Variants in FOXN3 observed in about 807,000 individuals in gnomAD.
FOXN3 encodes the protein forkhead box N3.
FOXN3 carries 7 observed loss-of-function variants against 38.4 expected under a neutral mutation model. The ratio of observed to expected loss-of-function variants is 0.18; its 90% CI spans 0.10 to 0.34. FOXN3 has a LOEUF of 0.34. FOXN3 is among the 10% of genes least tolerant of loss of function. The pLI is 1.00. For missense variants in FOXN3, 456 were observed against 613.4 expected (o/e 0.74, Z 2.71); for synonymous variants, 230 against 242.2 (o/e 0.95, Z 0.47).
At chr14:89,323,011 G>A (rs943729580) in intron 3 of FOXN3, among the ~76,000 whole-genome samples, 15 of 152,144 alleles carry the variant, frequency 9.9e-5, no homozygotes, top group African/African-American at 3.1e-4. Flanking sequence ...AGTGGGAGCC[G>A]GGCGCAGTGG....
At chr14:89,240,546 C>T (rs1436617177) in intron 4 of FOXN3, among the ~76,000 whole-genome samples, 1 of 152,176 alleles carries the variant, frequency 6.6e-6, no homozygotes, top group Non-Finnish European at 1.5e-5. Flanking sequence ...AATCTGTATG[C>T]ACTGATACAG....
chr14:89,388,478 C>T (rs1206256342), intron 2 of FOXN3, among the ~76,000 whole-genome samples: 1 of 152,118 alleles, frequency 6.6e-6, no homozygotes, highest in Non-Finnish European at 1.5e-5. Context: ...AGGGTCAGCG[C>T]CTAGGAAGCC....
intron 3 of FOXN3, among the ~76,000 whole-genome samples, chr14:89,294,455 C>T (rs547751297): frequency 7.2e-5 from 11 of 152,228 alleles, no homozygotes; most frequent in Admixed American, 3.3e-4. Context: ...GTGCCAGAGG[C>T]GTCTGAACCA....
intron 4 of FOXN3, among the ~76,000 whole-genome samples, chr14:89,202,626 TTGTGGTCATGAG>T (rs1380226072): frequency 1.3e-5 from 2 of 152,156 alleles, no homozygotes. Context: ...AGAGCTGTCC[TTGTGGTCATGAG>T]TGAGTTCTTG....
At chr14:89,206,041 A>G (rs1888375569) in intron 4 of FOXN3, among the ~76,000 whole-genome samples, 1 of 152,238 alleles carries the variant, frequency 6.6e-6, no homozygotes, top group Non-Finnish European at 1.5e-5. Flanking sequence ...GCCCTCTAGA[A>G]CCAGAGAGCA....
chr14:89,248,460 G>T (rs1885359587), intron 4 of FOXN3, among the ~76,000 whole-genome samples: 2 of 152,324 alleles, frequency 1.3e-5, no homozygotes, highest in African/African-American at 4.8e-5. Flanking sequence ...CTCTTCCCTA[G>T]GGACTGGCTT....
chr14:89,382,680 A>C (rs531881356), intron 2 of FOXN3, among the ~76,000 whole-genome samples: 1 of 152,246 alleles, frequency 6.6e-6, no homozygotes, highest in Non-Finnish European at 1.5e-5. Flanking sequence ...CGGTTACCTA[A>C]TTGCCTCTCT....
intron 4 of FOXN3, among the ~76,000 whole-genome samples, chr14:89,217,601 TCA>T (rs1300145390): frequency 6.6e-6 from 1 of 152,256 alleles, no homozygotes; most frequent in Non-Finnish European, 1.5e-5. Context: ...TCTCTGAGCT[TCA>T]GTTTCCTCTC....
chr14:89,270,561 G>A (rs1406179961), intron 4 of FOXN3, among the ~76,000 whole-genome samples: 2 of 152,268 alleles, frequency 1.3e-5, no homozygotes, highest in African/African-American at 2.4e-5. Context: ...TGAGTTGCTC[G>A]AGGTCACTCA....
At chr14:89,185,828 G>A (rs2147100) in intron 4 of FOXN3, 132,999 of 152,332 alleles carry the variant, frequency 0.87, 58,360 homozygotes, top group African/African-American at 0.93. Context: ...ACTAGCAAGA[G>A]GGCAACCTTC....
At chr14:89,293,242 TC>T in intron 3 of FOXN3, among the ~76,000 whole-genome samples, 1 of 152,118 alleles carries the variant, frequency 6.6e-6, no homozygotes. Context: ...GAAGGCAGCT[TC>T]CCCCCTCTGC....
At chr14:89,200,864 A>C (rs1050648144) in intron 4 of FOXN3, among the ~76,000 whole-genome samples, 2 of 152,222 alleles carry the variant, frequency 1.3e-5, no homozygotes, top group Admixed American at 1.3e-4. Flanking sequence ...CAGTTGATCA[A>C]AATCTTTCTA....
intron 1 of FOXN3, among the ~76,000 whole-genome samples, chr14:89,509,366 G>A (rs142893360): frequency 2.6e-3 from 399 of 152,058 alleles, no homozygotes; most frequent in African/African-American, 7.4e-3. Context: ...ATGGAGTCTT[G>A]TTCTATTGCC....
chr14:89,302,974 A>G (rs941139737), intron 3 of FOXN3, among the ~76,000 whole-genome samples: 2 of 152,184 alleles, frequency 1.3e-5, no homozygotes, highest in Non-Finnish European at 2.9e-5. Flanking sequence ...ACACAGATTC[A>G]GGGACTTTTG....
chr14:89,289,373 T>C (rs1326760983), intron 3 of FOXN3, among the ~76,000 whole-genome samples: 1 of 152,098 alleles, frequency 6.6e-6, no homozygotes, highest in Non-Finnish European at 1.5e-5. Flanking sequence ...AAGAAAAAAT[T>C]AGACTATAAT....
chr14:89,199,045 A>G (rs1483808100), intron 4 of FOXN3, among the ~76,000 whole-genome samples: 3 of 152,220 alleles, frequency 2.0e-5, no homozygotes, highest in Non-Finnish European at 4.4e-5. Context: ...ATCAATCAAG[A>G]TATCTATAAC....
intron 1 of FOXN3, among the ~76,000 whole-genome samples, chr14:89,445,480 A>G (rs542407541): frequency 5.9e-5 from 9 of 152,282 alleles, no homozygotes; most frequent in African/African-American, 1.2e-4. Flanking sequence ...TTTAATTATC[A>G]TATGGCTAAT....
intron 1 of FOXN3, among the ~76,000 whole-genome samples, chr14:89,493,656 C>T (rs1239386884): frequency 6.6e-6 from 1 of 152,106 alleles, no homozygotes; most frequent in Non-Finnish European, 1.5e-5. Context: ...CCCGATTTCC[C>T]CTTAACCGCA....
chr14:89,377,953 G>A (rs555718322), intron 2 of FOXN3, among the ~76,000 whole-genome samples: 1 of 152,290 alleles, frequency 6.6e-6, no homozygotes, highest in African/African-American at 2.4e-5. Context: ...AGACATGTGG[G>A]GAAGGCGGCC....
Sources: gnomAD v4.1 joint callset for allele counts (sites outside exome capture counted in the v4.1 genomes callset) on GRCh38, gnomAD v4.1.1 for gene constraint, MANE v1.5 for transcripts, NCBI Gene and HGNC (gene_info 2026-07-23, HGNC 2026-07-21) for gene names.